CRPPA: variants seen among roughly 807,000 people sequenced by gnomAD.
The protein encoded by CRPPA is CDP-L-ribitol pyrophosphorylase A.
Under a neutral mutation model 52.0 loss-of-function variants are expected in CRPPA, and 43 were observed. The ratio of observed to expected loss-of-function variants is 0.83; its 90% CI spans 0.65 to 1.07. The LOEUF is 1.07. CRPPA is among the 50% of genes least tolerant of loss of function. The pLI is 0.00. For missense variants in CRPPA, 629 were observed against 551.7 expected (o/e 1.14, Z -1.40); for synonymous variants, 250 against 203.5 (o/e 1.23, Z -1.94).
At chr7:16,327,030 G>A (rs1785411441) in intron 3 of CRPPA, among the ~76,000 whole-genome samples, 1 of 152,098 alleles carries the variant, frequency 6.6e-6, no homozygotes, top group Admixed American at 6.5e-5. Context: ...ATTAGTGTCT[G>A]GAGTAAGACA....
chr7:16,193,406 C>A lies in CRPPA; in HGVS notation c.1251+22660G>T, dbSNP rs114019461. 8.4e-3 allele frequency among the ~76,000 whole-genome samples: 1,277 copies of A among 152,038 alleles called. 21 individuals are homozygous for A. The highest frequency in any genetic ancestry group is 0.029 in the African/African-American group (1,220 of 41,498). ...TCTCTAAAATTAGTTAACTATGGGA[C>A]TTTTTCATAAAATTCTTACTAAACA... is the stretch of plus-strand genomic sequence containing the variant. On this transcript the variant is annotated intron_variant, in intron 9 of 9. Transcript: ENST00000407010.
chr7:16,285,714 T>C (rs1321336029), intron 5 of CRPPA, among the ~76,000 whole-genome samples: 2 of 151,888 alleles, frequency 1.3e-5, no homozygotes, highest in Admixed American at 6.6e-5. Context: ...TAAAGGTATG[T>C]ATATAATTGT....
chr7:16,193,703 T>C (rs977490144), intron 9 of CRPPA, among the ~76,000 whole-genome samples: 8 of 152,084 alleles, frequency 5.3e-5, no homozygotes, highest in Non-Finnish European at 8.8e-5. Flanking sequence ...CATATAGGTA[T>C]GTATACACAC....
At chr7:16,112,695 A>G (rs963664889) in intron 9 of CRPPA, among the ~76,000 whole-genome samples, 2 of 152,104 alleles carry the variant, frequency 1.3e-5, no homozygotes, top group African/African-American at 2.4e-5. Flanking sequence ...AATTAATGGA[A>G]CCTTTCTTGG....
At chr7:16,258,874 A>G in intron 7 of CRPPA, 46 bp downstream of exon 7, 1 of 931,774 alleles carries the variant, frequency 1.1e-6, no homozygotes. Context: ...TCTCTTCCAC[A>G]TTTGTTCATA....
At chr7:16,331,508 G>A (rs1035784079) in intron 3 of CRPPA, among the ~76,000 whole-genome samples, 3 of 151,978 alleles carry the variant, frequency 2.0e-5, no homozygotes, top group Non-Finnish European at 2.9e-5. Flanking sequence ...TTAAATAGAA[G>A]GAATAAGATA....
intron 2 of CRPPA, among the ~76,000 whole-genome samples, chr7:16,381,357 A>G (rs1224445430): frequency 6.6e-6 from 1 of 151,322 alleles, no homozygotes; most frequent in African/African-American, 2.4e-5. Context: ...TCTGAGAGAC[A>G]GTTTGTTATA....
chr7:16,122,073 C>T (rs1158794525), intron 9 of CRPPA, among the ~76,000 whole-genome samples: 1 of 152,038 alleles, frequency 6.6e-6, no homozygotes, highest in Non-Finnish European at 1.5e-5. Context: ...GGAAACCCTA[C>T]AAAGGAAATG....
intron 9 of CRPPA, among the ~76,000 whole-genome samples, chr7:16,148,452 C>T (rs1237819328): frequency 6.6e-6 from 1 of 152,118 alleles, no homozygotes; most frequent in Non-Finnish European, 1.5e-5. Context: ...ACTATCCAGC[C>T]TTTAAAAAAC....
chr7:16,312,388 A>G (rs1180688162), intron 3 of CRPPA, among the ~76,000 whole-genome samples: 2 of 151,974 alleles, frequency 1.3e-5, no homozygotes, highest in Non-Finnish European at 2.9e-5. Flanking sequence ...AAAGAGTAAT[A>G]TATTTCTATT....
intron 3 of CRPPA, among the ~76,000 whole-genome samples, chr7:16,345,042 A>G (rs1266847198): frequency 6.6e-6 from 1 of 152,164 alleles, no homozygotes; most frequent in Admixed American, 6.6e-5. Context: ...TCAGGTCCGC[A>G]TATAAATGCA....
At chr7:16,303,489 A>AAAAAAAAAAAAAAAAAAAAAC (rs1784836296) in intron 4 of CRPPA, among the ~76,000 whole-genome samples, 1 of 143,394 alleles carries the variant, frequency 7.0e-6, no homozygotes, top group Non-Finnish European at 1.5e-5. Context: ...AAAAAAAAAA[A>AAAAAAAAAAAAAAAAAAAAAC]AAAAAAAAAA....
chr7:16,286,038 A>AAAATAAAT (rs1784426837), intron 5 of CRPPA, among the ~76,000 whole-genome samples: 2 of 17,504 alleles, frequency 1.1e-4, no homozygotes, highest in Non-Finnish European at 9.5e-5. Flanking sequence ...AAAAAAAAAA[A>AAAATAAAT]ATATAAATAT....
chr7:16,339,307 T>C (rs990377088), intron 3 of CRPPA, among the ~76,000 whole-genome samples: 7 of 152,088 alleles, frequency 4.6e-5, no homozygotes, highest in African/African-American at 1.7e-4. Flanking sequence ...AACAGAATAG[T>C]AGCAAATTAA....
chr7:16,168,039 C>G (rs1397841689), intron 9 of CRPPA, among the ~76,000 whole-genome samples: 2 of 152,162 alleles, frequency 1.3e-5, no homozygotes, highest in African/African-American at 2.4e-5. Context: ...TAGCCTAAAT[C>G]CTGTTAAGTG....
intron 9 of CRPPA, among the ~76,000 whole-genome samples, chr7:16,188,364 A>T (rs906137154): frequency 6.6e-6 from 1 of 152,186 alleles, no homozygotes; most frequent in African/African-American, 2.4e-5. Flanking sequence ...TAAATAGATG[A>T]CTATTAAATA....
chr7:16,297,305 T>C (rs1271487782), intron 5 of CRPPA, among the ~76,000 whole-genome samples: 1 of 152,184 alleles, frequency 6.6e-6, no homozygotes, highest in Non-Finnish European at 1.5e-5. Context: ...GTCCTCCAAG[T>C]CTTGGTTTTA....
intron 8 of CRPPA, among the ~76,000 whole-genome samples, chr7:16,226,595 ACTCAGG>A (rs1782657577): frequency 1.3e-5 from 2 of 151,806 alleles, no homozygotes; most frequent in African/African-American, 4.8e-5. Context: ...TAAAAATAAA[ACTCAGG>A]TCATCAGTTT....
chr7:16,138,701 A>G (rs977663801), intron 9 of CRPPA, among the ~76,000 whole-genome samples: 4 of 152,238 alleles, frequency 2.6e-5, no homozygotes, highest in Non-Finnish European at 5.9e-5. Flanking sequence ...CTTTAAAATT[A>G]TCTTATACTT....
Sources: gnomAD v4.1 joint callset for allele counts (sites outside exome capture counted in the v4.1 genomes callset) on GRCh38, gnomAD v4.1.1 for gene constraint, MANE v1.5 for transcripts, NCBI Gene and HGNC (gene_info 2026-07-23, HGNC 2026-07-21) for gene names.